Variants in ZBTB46 observed in about 807,000 individuals in gnomAD.
ZBTB46 encodes the protein zinc finger and BTB domain-containing protein 46.
ZBTB46 carries 8 observed loss-of-function variants against 44.1 expected under a neutral mutation model. That is an observed-to-expected ratio of 0.18 (90% CI 0.11 to 0.33). ZBTB46 has a LOEUF of 0.33. Ranked by LOEUF, ZBTB46 falls within the 10% of genes least tolerant of loss-of-function variation. ZBTB46 has a pLI of 1.00. For missense variants in ZBTB46, 651 were observed against 847.7 expected (o/e 0.77, Z 2.88); for synonymous variants, 409 against 382.3 (o/e 1.07, Z -0.81).
intron 1 of ZBTB46, among the ~76,000 whole-genome samples, chr20:63,825,791 A>G (rs1022584783): frequency 2.6e-5 from 4 of 152,200 alleles, no homozygotes; most frequent in Non-Finnish European, 5.9e-5. Flanking sequence ...AAAGCGGCGA[A>G]TCAACACTGC....
rs552734649 is a variant in ZBTB46, at chr20:63,825,188, G to A, written c.-34+5909C>T. Among the ~76,000 whole-genome samples the A allele has an allele frequency of 5.9e-5, 9 of 151,648 alleles. No homozygotes were observed. In the South Asian group the frequency reaches 1.7e-3, roughly 28 times the overall value. On this transcript the variant is annotated intron_variant, in intron 1 of 4. Transcript: ENST00000245663. ...GACCGAGGCAGGCGGATCACTTGAG[G>A]TCAGGAGTTCAAGACCAGCCTGGCC...
intron 1 of ZBTB46, among the ~76,000 whole-genome samples, chr20:63,818,644 A>G (rs2092773545): frequency 6.6e-6 from 1 of 152,162 alleles, no homozygotes; most frequent in South Asian, 2.1e-4. Context: ...TCACAAGGTC[A>G]GGAGTTCGAG....
At chr20:63,792,124 G>A (rs113225950) in intron 1 of ZBTB46, among the ~76,000 whole-genome samples, 6 of 152,072 alleles carry the variant, frequency 3.9e-5, no homozygotes, top group African/African-American at 7.2e-5. Context: ...CCACCCCCAC[G>A]GCCTCATCTT....
intron 3 of ZBTB46, among the ~76,000 whole-genome samples, chr20:63,774,695 TTTGTTTTTTTTTTTG>T (rs2092406730): frequency 9.9e-5 from 2 of 20,268 alleles, no homozygotes; most frequent in Non-Finnish European, 2.1e-4. Flanking sequence ...GTGGGTTTTT[TTTGTTTTTTTTTTTG>T]TTTTTTTTTT....
At chr20:63,821,129 G>T (rs945451697) in intron 1 of ZBTB46, among the ~76,000 whole-genome samples, 7 of 151,074 alleles carry the variant, frequency 4.6e-5, no homozygotes, top group African/African-American at 1.7e-4. Flanking sequence ...TTGACCTCAT[G>T]ATCCGCCCGC....
In ZBTB46 at chr20:63,746,924, G is replaced by T; in HGVS notation, c.*6C>A. ...AGGCAGCCACCGACCCTGCCGGCGG[G>T]CGGGCCTAGGAGAGCCAGGCGAAGT... On this transcript the variant is annotated 3_prime_UTR_variant, in exon 5 of 5. Transcript: ENST00000245663. 6.6e-7 allele frequency: 1 copy of T among 1,519,710 alleles called. No individual in the cohort carries two copies. The highest frequency in any genetic ancestry group is 8.8e-7 in the Non-Finnish European group (1 of 1,135,124). The allele number at this position is 1,519,710 out of a possible 1,614,324, so 94.1% of individuals were successfully genotyped here.
rs577113304 is a variant in ZBTB46, at chr20:63,765,822, A to G, written c.1222+9856T>C. Among the ~76,000 whole-genome samples the G allele has an allele frequency of 9.2e-5, 14 of 152,384 alleles. No homozygotes were observed. The East Asian group carries it at 2.5e-3, about 27-fold the overall frequency. On this transcript the variant is annotated intron_variant, in intron 3 of 4. Coordinates refer to ENST00000245663, the MANE Select transcript of ZBTB46 (RefSeq NM_001369741.1). ...TGCTATCTATTCTAAAAATGTTCTT[A>G]GAGCCCTTATCATTTTACTATCTGC...
chr20:63,816,609 T>C (rs1329169205), intron 1 of ZBTB46: 2 of 152,154 alleles, frequency 1.3e-5, no homozygotes, highest in Admixed American at 1.3e-4. Flanking sequence ...GAAGCCTCCA[T>C]AGAGAAATAC....
chr20:63,779,406 A>ATTTTTTTTT (rs59166121), intron 2 of ZBTB46, among the ~76,000 whole-genome samples: 1 of 105,578 alleles, frequency 9.5e-6, no homozygotes, highest in Non-Finnish European at 1.8e-5. Context: ...ACGCCGGCTA[A>ATTTTTTTTT]TTTTTTTTTT....
At chr20:63,798,835 CTCTG>C (rs1414643978) in intron 1 of ZBTB46, among the ~76,000 whole-genome samples, 2 of 146,308 alleles carry the variant, frequency 1.4e-5, no homozygotes, top group African/African-American at 2.5e-5. Context: ...CAGAGCGAGA[CTCTG>C]TCTAAAAAAA....
At chr20:63,781,065 C>G (rs2092465718) in intron 2 of ZBTB46, among the ~76,000 whole-genome samples, 1 of 147,048 alleles carries the variant, frequency 6.8e-6, no homozygotes, top group African/African-American at 2.5e-5. Flanking sequence ...GGCGTGAACC[C>G]AGGAGGCAGA....
rs2092088246 is a variant in ZBTB46, at chr20:63,746,238, G to C, written c.*692C>G. On this transcript the variant is annotated 3_prime_UTR_variant, in exon 5 of 5. Coordinates refer to ENST00000245663, the MANE Select transcript of ZBTB46 (RefSeq NM_001369741.1). The stretch of plus-strand genomic sequence containing the variant: ...CCTGGTGTGGCCTGAAGTGGTGGGG[G>C]GCACAGGGCTGAGGGTCCCCTCCTG... The C allele has an allele frequency of 6.5e-6, 1 of 152,836 alleles. No individual in the cohort carries two copies. 9.5% of individuals were successfully genotyped at this position (152,836 alleles called of 1,614,324 possible).
At chr20:63,763,987 A>G (rs929407091) in intron 3 of ZBTB46, among the ~76,000 whole-genome samples, 6 of 151,610 alleles carry the variant, frequency 4.0e-5, no homozygotes, top group Non-Finnish European at 5.9e-5. Context: ...TTTTTTAAAT[A>G]AGAGACGGCC....
chr20:63,783,590 T>C (rs116118476), intron 2 of ZBTB46, among the ~76,000 whole-genome samples: 165 of 152,288 alleles, frequency 1.1e-3, no homozygotes, highest in African/African-American at 3.3e-3. Flanking sequence ...TCAAAGCTGA[T>C]TGCAGGTAAT....
chr20:63,771,237 C>T (rs1198955701), intron 3 of ZBTB46, among the ~76,000 whole-genome samples: 2 of 152,204 alleles, frequency 1.3e-5, no homozygotes, highest in Non-Finnish European at 2.9e-5. Flanking sequence ...CGGCGGCCCC[C>T]GGGGCTCAGG....
intron 3 of ZBTB46, among the ~76,000 whole-genome samples, chr20:63,761,579 C>T (rs1222437231): frequency 1.3e-5 from 2 of 151,940 alleles, no homozygotes; most frequent in South Asian, 2.1e-4. Flanking sequence ...GTCAGGAGTT[C>T]GAGACCAGCC....
chr20:63,773,548 G>A (rs1489425549), intron 3 of ZBTB46, among the ~76,000 whole-genome samples: 1 of 152,194 alleles, frequency 6.6e-6, no homozygotes, highest in African/African-American at 2.4e-5. Flanking sequence ...CGGTCTGAGA[G>A]ATCCACAGGA....
chr20:63,786,427 C>G (rs546016430), intron 2 of ZBTB46, among the ~76,000 whole-genome samples: 1 of 152,190 alleles, frequency 6.6e-6, no homozygotes, highest in Non-Finnish European at 1.5e-5. Flanking sequence ...CTGCAGTACC[C>G]AGGACAGCCT....
chr20:63,747,113 T>C lies in ZBTB46; in HGVS notation c.1587A>G (p.Pro529=). 7 of 1,610,078 alleles carry C rather than the reference T, an allele frequency of 4.3e-6. No individual in the cohort carries two copies. The South Asian group carries it at 6.6e-5, about 15-fold the overall frequency. ...GGEGSPEALF[P]GDGPYLEDPE... is the part of the protein sequence containing the mutation. ...GGTCCTCCAGATAGGGCCCGTCGCC[T>C]GGGAACAGCGCCTCTGGAGAGCCCT... Residue 529 remains proline, a synonymous_variant, in exon 5 of 5, where the codon CCA becomes CCG. Transcript: ENST00000245663.
Sources: allele counts gnomAD v4.1 joint callset (sites outside exome capture counted in the v4.1 genomes callset), GRCh38; gene constraint gnomAD v4.1.1; transcripts MANE v1.5; gene names NCBI Gene and HGNC (gene_info 2026-07-23, HGNC 2026-07-21).